The following PRDM13 variants were observed in gnomAD, a reference collection of about 807,000 sequenced individuals.
PRDM13 encodes PR/SET domain 13, also known as PR domain zinc finger protein 13.
A neutral mutation model predicts 36.4 loss-of-function variants in PRDM13; 15 were observed. The ratio of observed to expected loss-of-function variants is 0.41; its 90% CI spans 0.28 to 0.64. The LOEUF (loss-of-function observed/expected upper bound fraction) is 0.64, where lower values mean the gene tolerates loss of function less well. Among genes scored for constraint, PRDM13 ranks in the 30% least tolerant of loss-of-function variants. PRDM13 has a pLI of 0.29. For synonymous variants in PRDM13, 531 were observed against 467.7 expected, an observed-to-expected ratio of 1.14 and a Z score of -1.75; for missense variants, 1,044 against 1,013.5, an observed-to-expected ratio of 1.03 and a Z score of -0.41.
chr6:99,613,719 C>T lies in PRDM13; in HGVS notation c.1084C>T (p.His362Tyr), dbSNP rs1770074764. The stretch of plus-strand genomic sequence containing the variant: ...CCATCACCACCACGCGCACCACCAC[C>T]ACCATCCCAAGTGCCTGCTCGCTGG... ...HHHHHHAHHH[H>Y]HPKCLLAGDP... Residue 362 changes from histidine to tyrosine, a missense_variant, in exon 4 of 4, where the codon CAC (histidine) becomes TAC (tyrosine). This residue lies in a region of PRDM13 where 921 missense variants were observed against 865.2 expected (regional missense o/e 1.06). Transcript: ENST00000369215. This position sits in a 1 kb window ranked among gnomAD's most constrained non-coding sequence, Gnocchi z 6.1. The T allele has an allele frequency of 7.4e-6, 11 of 1,492,292 alleles. No individual in the cohort carries two copies. Among genetic ancestry groups the T allele is most frequent in the Non-Finnish European group, 9.7e-6 (11 of 1,129,046 alleles). The allele number at this position is 1,492,292 out of a possible 1,614,324, so 92.4% of individuals were successfully genotyped here. A position where few individuals can be genotyped will look rare whatever the true frequency, so the allele number is the denominator to read the frequency against.
chr6:99,611,418 A>C (rs1770029980), intron 3 of PRDM13, among the ~76,000 whole-genome samples: 1 of 152,142 alleles, frequency 6.6e-6, no homozygotes, highest in African/African-American at 2.4e-5. Context: ...AGAACCCAGG[A>C]GGTCTATTCT....
At chr6:99,607,313 C>T in intron 1 of PRDM13, 135 bp downstream of exon 1, 5 of 1,293,660 alleles carry the variant, frequency 3.9e-6, no homozygotes, top group Non-Finnish European at 5.2e-6. Context: ...GAAGGGGACT[C>T]CTATTATTCT....
chr6:99,614,115 G>C lies in PRDM13; in HGVS notation c.1480G>C (p.Glu494Gln). The C allele has an allele frequency of 6.3e-7, 1 of 1,599,860 alleles. No homozygotes were observed. Among genetic ancestry groups the C allele is most frequent in the Non-Finnish European group, 8.5e-7 (1 of 1,174,704 alleles). The change falls in exon 4 of 4, where the codon GAG becomes CAG. Residue 494 changes from glutamate to glutamine, a missense_variant. Glu to Gln is a conservative substitution (Grantham distance 29, BLOSUM62 2). Transcript: ENST00000369215. ...LHFGGLLKYP[E>Q]SISYFSGPAA... ...CTTCGGCGGGCTGCTGAAGTATCCGGAGTCCATCTCCTACTTCAGCGGGCC... is the reference window on the plus strand; with the variant it reads ...CTTCGGCGGGCTGCTGAAGTATCCGCAGTCCATCTCCTACTTCAGCGGGCC...
chr6:99,613,559 C>T lies in PRDM13; in HGVS notation c.924C>T (p.His308=), dbSNP rs984852799. ...AGLARAAAAA[H]GDPYREESSS... ...TAGCGAGGGCGGCGGCGGCCGCTCA[C>T]GGCGACCCCTACCGGGAGGAGAGCA... Residue 308 remains histidine, a synonymous_variant, in exon 4 of 4, where the codon CAC becomes CAT. Transcript: ENST00000369215. This position sits in a 1 kb window ranked among gnomAD's most constrained non-coding sequence, Gnocchi z 6.1. The T allele has an allele frequency of 6.6e-7, 1 of 1,504,234 alleles. No individual in the cohort carries two copies. The highest frequency in any genetic ancestry group is 8.8e-7 in the Non-Finnish European group (1 of 1,136,098). 93.2% of individuals were successfully genotyped at this position (1,504,234 alleles called of 1,614,324 possible).
chr6:99,610,765 G>T (rs1770018773), intron 3 of PRDM13, among the ~76,000 whole-genome samples: 1 of 152,174 alleles, frequency 6.6e-6, no homozygotes, highest in African/African-American at 2.4e-5. Flanking sequence ...TGCCACTATA[G>T]AATTTGGCGG....
chr6:99,607,992 G>T (rs1264623647), intron 1 of PRDM13, among the ~76,000 whole-genome samples: 1 of 152,246 alleles, frequency 6.6e-6, no homozygotes, highest in South Asian at 2.1e-4. Context: ...CAGCGACCGG[G>T]AAATGAAGGC....
At position 99,613,553 on chromosome 6, in the gene PRDM13, C is replaced by T. The variant is rs576846295; in HGVS notation, c.918C>T (p.Ala306=). 1.3e-6 allele frequency: 2 copies of T among 1,499,550 alleles called. No homozygotes were observed. The highest frequency in any genetic ancestry group is 5.3e-5 in the East Asian group (2 of 37,852). 92.9% of individuals were successfully genotyped at this position (1,499,550 alleles called of 1,614,324 possible). ...KPAGLARAAA[A]AHGDPYREES... ...CCGGCCTAGCGAGGGCGGCGGCGGC[C>T]GCTCACGGCGACCCCTACCGGGAGG... Residue 306 remains alanine (A), a synonymous_variant, in exon 4 of 4, where the codon GCC becomes GCT. Coordinates refer to ENST00000369215, the MANE Select transcript of PRDM13 (RefSeq NM_021620.4). The surrounding 1 kb of genome is among the most constrained non-coding windows in gnomAD (Gnocchi z 6.1).
At chr6:99,611,681 GGAA>G (rs1770034132) in intron 3 of PRDM13, among the ~76,000 whole-genome samples, 1 of 152,136 alleles carries the variant, frequency 6.6e-6, no homozygotes, top group Admixed American at 6.5e-5. Flanking sequence ...ATACATAAAG[GGAA>G]GAAGATCTGG....
At position 99,609,211 on chromosome 6, in the gene PRDM13, G is replaced by T; in HGVS notation, c.301G>T (p.Val101Phe). 6.2e-7 allele frequency: 1 copy of T among 1,613,574 alleles called. No homozygotes were observed. The highest frequency in any genetic ancestry group is 8.5e-7 in the Non-Finnish European group (1 of 1,179,584). The change falls in exon 3 of 4, where the codon GTC becomes TTC. Residue 101 changes from valine to phenylalanine, a missense_variant. Physicochemically the swap from Val to Phe is conservative, Grantham distance 50 (BLOSUM62 -1). Around this residue, in one of 3 missense-constraint regions of PRDM13, gnomAD observed 921 missense variants for 865.2 expected, o/e 1.06. Coordinates refer to ENST00000369215, the MANE Select transcript of PRDM13 (RefSeq NM_021620.4). The stretch of plus-strand genomic sequence containing the variant: ...GATCTTCTACCGAGCATTGCGAGAC[G>T]TCCAGCCAGGGGAGGAGCTGACAGT... ...GQIFYRALRDVQPGEELTVWY... is the reference protein window; with the variant it reads ...GQIFYRALRDFQPGEELTVWY...
Position 99,613,066 on chromosome 6 carries a change from G to A in PRDM13, c.431G>A (p.Arg144Lys), listed in dbSNP as rs1459635070. The A allele has an allele frequency of 1.2e-6, 2 of 1,613,708 alleles. No individual in the cohort carries two copies. The highest frequency in any genetic ancestry group is 1.7e-6 in the Non-Finnish European group (2 of 1,180,042). ...CGCTACATCTGCTGGTACTGCTGGA[G>A]GACGTTTAGATACCCCAACAGCCTT... ...EERYICWYCW[R>K]TFRYPNSLKA... Residue 144 changes from arginine (R) to lysine (K), a missense_variant, in exon 4 of 4, where the codon AGG (arginine) becomes AAG (lysine). By Grantham distance (26) the Arg-to-Lys change is conservative. This residue lies in a region of PRDM13 where 921 missense variants were observed against 865.2 expected (regional missense o/e 1.06). Transcript: ENST00000369215. This position sits in a 1 kb window ranked among gnomAD's most constrained non-coding sequence, Gnocchi z 6.1.
At position 99,606,895 on chromosome 6, in the gene PRDM13, A is replaced by G. The variant is rs1351409470; in HGVS notation, c.-140A>G. 8.4e-7 allele frequency: 1 copy of G among 1,192,980 alleles called. No individual in the cohort carries two copies. The highest frequency in any genetic ancestry group is 1.1e-6 in the Non-Finnish European group (1 of 884,598). 73.9% of individuals were successfully genotyped at this position (1,192,980 alleles called of 1,614,324 possible). ...CGCCCCGATTGAAAAGGCGCAGTGCATGCCCGCCCGCGTCACTCCGCGGGC... is the reference window on the plus strand; with the variant it reads ...CGCCCCGATTGAAAAGGCGCAGTGCGTGCCCGCCCGCGTCACTCCGCGGGC... On this transcript the variant is annotated 5_prime_UTR_variant, in exon 1 of 4. It removes an upstream start codon present in the reference 5' UTR. Transcript: ENST00000369215.
rs1416712904 is a variant in PRDM13 at position 99,613,773 on chromosome 6, C to T, written c.1138C>T (p.Leu380=). 2.0e-6 allele frequency: 3 copies of T among 1,498,786 alleles called. 1 individual carries two copies. Among genetic ancestry groups the T allele is most frequent in the Middle Eastern group, 4.6e-4 (2 of 4,364 alleles). The allele number at this position is 1,498,786 out of a possible 1,614,324, so 92.8% of individuals were successfully genotyped here. A position where few individuals can be genotyped will look rare whatever the true frequency, so the allele number is the denominator to read the frequency against. The change falls in exon 4 of 4, where the codon CTG becomes TTG. Residue 380 remains leucine (L), a synonymous_variant. Coordinates refer to ENST00000369215, the MANE Select transcript of PRDM13 (RefSeq NM_021620.4). This position sits in a 1 kb window ranked among gnomAD's most constrained non-coding sequence, Gnocchi z 6.1. ...CCCGCCGCCGCCGCCGCCGCCTGGC[C>T]TGCCCTGCTCTGGGGCCCTGCGCGG... The part of the protein sequence containing the change: ...GDPPPPPPPG[L]PCSGALRGFP...
chr6:99,612,792 T>C (rs1770050554), intron 3 of PRDM13, among the ~76,000 whole-genome samples: 1 of 152,190 alleles, frequency 6.6e-6, no homozygotes, highest in Admixed American at 6.5e-5. Context: ...AAGTCTTCGT[T>C]GGAAAGGCCC....
Position 99,614,775 on chromosome 6 carries a change from A to AGGGGCGGGGTGAGGACAGAGAG in PRDM13, c.*18_*39dup. ...CGACTTGTAACGAGTCTTCCCGGGA[A>AGGGGCGGGGTGAGGACAGAGAG]GGGGCGGGGTGAGGACAGAGAGGAG... On this transcript the variant is annotated 3_prime_UTR_variant, in exon 4 of 4. Coordinates refer to ENST00000369215, the MANE Select transcript of PRDM13 (RefSeq NM_021620.4). 2 of 1,554,612 alleles carry AGGGGCGGGGTGAGGACAGAGAG rather than the reference A, an allele frequency of 1.3e-6. No homozygotes were observed. The highest frequency in any genetic ancestry group is 1.7e-6 in the Non-Finnish European group (2 of 1,152,272).
At chr6:99,608,894 AC>A (rs770244568) in intron 2 of PRDM13, 22 bp downstream of exon 2, 26 of 1,590,986 alleles carry the variant, frequency 1.6e-5, no homozygotes, top group Non-Finnish European at 1.9e-5. Context: ...TTCTCTCCAC[AC>A]CCCCCCACTC....
rs896105160 is a variant in PRDM13 at position 99,614,988 on chromosome 6, C to G, written c.*229C>G. On this transcript the variant is annotated 3_prime_UTR_variant, in exon 4 of 4. Transcript: ENST00000369215. ...GGCCACCTGGAGAGCTCGAGTGCCA[C>G]CAGTACCTCCGCACCCCGGGCCTCT... 38 of 610,744 alleles carry G rather than the reference C, an allele frequency of 6.2e-5. 1 individual carries two copies. In the South Asian group the frequency reaches 6.2e-4, roughly 10 times the overall value. 37.8% of individuals were successfully genotyped at this position (610,744 alleles called of 1,614,324 possible).
At position 99,615,256 on chromosome 6, in the gene PRDM13, A is replaced by G. The variant is rs1190471240; in HGVS notation, c.*497A>G. 2 of 162,380 alleles carry G rather than the reference A, an allele frequency of 1.2e-5. No individual in the cohort carries two copies. The highest frequency in any genetic ancestry group is 3.7e-4 in the East Asian group (2 of 5,364). The allele number at this position is 162,380 out of a possible 1,614,324, so 10.1% of individuals were successfully genotyped here. A position where few individuals can be genotyped will look rare whatever the true frequency, so the allele number is the denominator to read the frequency against. On this transcript the variant is annotated 3_prime_UTR_variant, in exon 4 of 4. Coordinates refer to ENST00000369215, the MANE Select transcript of PRDM13 (RefSeq NM_021620.4). The stretch of plus-strand genomic sequence containing the variant: ...TCACAATTGGGTAGATGTGACATCC[A>G]TATACTTGTTTACATTTTATCTGTT...
chr6:99,608,895 C>A (rs200753066), intron 2 of PRDM13, 23 bp downstream of exon 2: 13 of 1,593,330 alleles, frequency 8.2e-6, no homozygotes, highest in East Asian at 6.7e-5. Flanking sequence ...TCTCTCCACA[C>A]CCCCCCACTC....
rs368251086 is a variant in PRDM13 at position 99,608,861 on chromosome 6, C to A, written c.265C>A (p.Pro89Thr). The stretch of plus-strand genomic sequence containing the variant: ...GACTCTGGAAGCTATTGCAGACTTA[C>A]CCGGAGGACAGGTACTGCGGGCTTC... ...EQTLEAIADL[P>T]GGQIFYRALR... The change falls in exon 2 of 4, where the codon CCC (proline) becomes ACC (threonine). Residue 89 changes from proline to threonine, a missense_variant. By Grantham distance (38) the Pro-to-Thr change is conservative (BLOSUM62 -1). Coordinates refer to ENST00000369215, the MANE Select transcript of PRDM13 (RefSeq NM_021620.4). 6.2e-7 allele frequency: 1 copy of A among 1,613,152 alleles called. No individual in the cohort carries two copies. Among genetic ancestry groups the A allele is most frequent in the Admixed American group, 1.7e-5 (1 of 59,884 alleles).
Sources: gnomAD v4.1 joint callset for allele counts (sites outside exome capture counted in the v4.1 genomes callset) on GRCh38, gnomAD v4.1.1 for gene constraint, gnomAD v4.1.1 regional missense constraint, Gnocchi (gnomAD v3.1) non-coding constraint, MANE v1.5 for transcripts, NCBI Gene and HGNC (gene_info 2026-07-23, HGNC 2026-07-21) for gene names.